The following ZDHHC15 variants were observed in gnomAD, a reference collection of about 807,000 sequenced individuals.
ZDHHC15 encodes the protein palmitoyltransferase ZDHHC15.
ZDHHC15 carries 19 observed loss-of-function variants against 31.7 expected under a neutral mutation model. The ratio of observed to expected loss-of-function variants is 0.60; its 90% confidence interval spans 0.42 to 0.88. The LOEUF is 0.88. Among genes scored for constraint, ZDHHC15 ranks in the 40% least tolerant of loss-of-function variants. The probability of loss-of-function intolerance (pLI) is 0.00; values close to 1 mark genes in which losing one functional copy is unlikely to be tolerated. For synonymous variants in ZDHHC15, 103 were observed against 90.0 expected (o/e 1.14, Z -0.82); for missense variants, 209 against 251.2 (o/e 0.83, Z 1.14).
chrX:75,463,317 A>C (rs767407966), intron 3 of ZDHHC15, among the ~76,000 whole-genome samples: 60 of 111,076 alleles, frequency 5.4e-4, no homozygotes, highest in Non-Finnish European at 3.0e-4. Context: ...GCTGAATTCT[A>C]CCAGAGTTAC....
chrX:75,398,150 T>A (rs1410544918), intron 10 of ZDHHC15, among the ~76,000 whole-genome samples: 1 of 112,151 alleles, frequency 8.9e-6, no homozygotes, highest in African/African-American at 3.2e-5. Flanking sequence ...TGGCTTGGAA[T>A]TCCAGTCAGC....
chrX:75,428,310 A>C (rs1291444520), intron 7 of ZDHHC15, among the ~76,000 whole-genome samples: 2 of 111,988 alleles, frequency 1.8e-5, no homozygotes, highest in African/African-American at 6.5e-5. Flanking sequence ...CCTTGTACAC[A>C]TATGTAAATA....
intron 1 of ZDHHC15, among the ~76,000 whole-genome samples, chrX:75,517,301 G>A (rs916716938): frequency 3.4e-4 from 38 of 110,574 alleles, no homozygotes; most frequent in Non-Finnish European, 6.6e-4. Flanking sequence ...TGTTTATTGC[G>A]GCACTATTCA....
chrX:75,398,135 C>A (rs993135099), intron 10 of ZDHHC15, among the ~76,000 whole-genome samples: 3 of 112,320 alleles, frequency 2.7e-5, no homozygotes. Context: ...CAAGATAAGA[C>A]CCACTGGCTT....
At chrX:75,441,060 G>A (rs760344528) in intron 4 of ZDHHC15, among the ~76,000 whole-genome samples, 12 of 111,822 alleles carry the variant, frequency 1.1e-4, no homozygotes, top group East Asian at 5.7e-4. Context: ...CCAGGAAGCC[G>A]GTTTGCAGGG....
At chrX:75,396,129 A>G (rs965696231) in intron 10 of ZDHHC15, among the ~76,000 whole-genome samples, 1 of 112,215 alleles carries the variant, frequency 8.9e-6, no homozygotes, top group African/African-American at 3.2e-5. Flanking sequence ...AGGCAACCAA[A>G]GCAAAAATAG....
chrX:75,496,699 A>C (rs1461637253), intron 2 of ZDHHC15, among the ~76,000 whole-genome samples: 1 of 111,908 alleles, frequency 8.9e-6, no homozygotes, highest in Non-Finnish European at 1.9e-5. Flanking sequence ...TAACTCCAAA[A>C]GGAACCTTCA....
At chrX:75,462,413 G>C (rs751304038) in intron 3 of ZDHHC15, among the ~76,000 whole-genome samples, 1 of 112,124 alleles carries the variant, frequency 8.9e-6, no homozygotes, top group South Asian at 3.7e-4. Context: ...CACATCTCTG[G>C]ATCAAGAGGA....
intron 10 of ZDHHC15, among the ~76,000 whole-genome samples, chrX:75,410,376 A>AAAAAG (rs1195322804): frequency 8.9e-6 from 1 of 111,746 alleles, no homozygotes; most frequent in Non-Finnish European, 1.9e-5. Context: ...AAAAAGAAAA[A>AAAAAG]AAAAGAAAAG....
intron 3 of ZDHHC15, among the ~76,000 whole-genome samples, chrX:75,452,441 G>A (rs1005738449): frequency 3.6e-5 from 4 of 110,771 alleles, no homozygotes; most frequent in Non-Finnish European, 7.6e-5. Context: ...ATAATAATGG[G>A]AGATTTTAAC....
chrX:75,396,501 G>C (rs2083300315), intron 10 of ZDHHC15, among the ~76,000 whole-genome samples: 1 of 111,972 alleles, frequency 8.9e-6, no homozygotes, highest in Non-Finnish European at 1.9e-5. Flanking sequence ...ATGCTGGTGA[G>C]GATGTGGAGA....
At chrX:75,513,640 C>A (rs2085311189) in intron 1 of ZDHHC15, among the ~76,000 whole-genome samples, 1 of 111,230 alleles carries the variant, frequency 9.0e-6, no homozygotes. Context: ...TACTAATATA[C>A]ACATAACGGG....
At chrX:75,397,392 CTGTT>C (rs2147788208) in intron 10 of ZDHHC15, among the ~76,000 whole-genome samples, 1 of 110,901 alleles carries the variant, frequency 9.0e-6, no homozygotes, top group Non-Finnish European at 1.9e-5. Context: ...TATAATTGGA[CTGTT>C]TGTAACAGAA....
chrX:75,430,817 G>T (rs778021447), intron 5 of ZDHHC15, among the ~76,000 whole-genome samples: 7 of 111,323 alleles, frequency 6.3e-5, no homozygotes, highest in Non-Finnish European at 1.3e-4. Flanking sequence ...TTACTCTGTC[G>T]TCTTCCTCCC....
intron 4 of ZDHHC15, among the ~76,000 whole-genome samples, chrX:75,449,985 C>T (rs2084093736): frequency 9.0e-6 from 1 of 111,708 alleles, no homozygotes; most frequent in Non-Finnish European, 1.9e-5. Context: ...TGCACAGATA[C>T]TTATACAGTA....
intron 2 of ZDHHC15, among the ~76,000 whole-genome samples, chrX:75,505,572 G>C (rs1569367859): frequency 9.0e-6 from 1 of 110,828 alleles, no homozygotes; most frequent in Non-Finnish European, 1.9e-5. Context: ...GTCAGACAGA[G>C]TGCTTAACTG....
At chrX:75,374,089 G>A (rs1197453696) in intron 11 of ZDHHC15, among the ~76,000 whole-genome samples, 1 of 108,733 alleles carries the variant, frequency 9.2e-6, no homozygotes, top group Non-Finnish European at 1.9e-5. Context: ...AGTGGACATA[G>A]ATGAAGCTGG....
At chrX:75,423,008 A>G (rs2083667785) in intron 8 of ZDHHC15, among the ~76,000 whole-genome samples, 1 of 79,266 alleles carries the variant, frequency 1.3e-5, no homozygotes, top group African/African-American at 5.2e-5. Context: ...TCCTGTGTCC[A>G]TGTGTTCTCA....
chrX:75,439,760 A>C (rs1246893931), intron 4 of ZDHHC15, among the ~76,000 whole-genome samples: 2 of 110,842 alleles, frequency 1.8e-5, no homozygotes, highest in Non-Finnish European at 3.8e-5. Context: ...ATATTATCAG[A>C]ATTGTTTTTC....
Sources: allele counts gnomAD v4.1 joint callset (sites outside exome capture counted in the v4.1 genomes callset), GRCh38; gene constraint gnomAD v4.1.1; transcripts MANE v1.5; gene names NCBI Gene and HGNC (gene_info 2026-07-23, HGNC 2026-07-21).